NCBP3: variants seen among roughly 807,000 people sequenced by gnomAD.
The protein encoded by NCBP3 is nuclear cap-binding protein subunit 3.
A neutral mutation model predicts 75.7 loss-of-function variants in NCBP3; 20 were observed. That is an observed-to-expected ratio of 0.26 (90% CI 0.19 to 0.38). The LOEUF is 0.38. NCBP3 is among the 10% of genes least tolerant of loss of function. The pLI is 1.00. For missense variants in NCBP3, 678 were observed against 796.9 expected, an observed-to-expected ratio of 0.85 and a Z score of 1.80; for synonymous variants, 293 against 290.5, an observed-to-expected ratio of 1.01 and a Z score of -0.09.
intron 7 of NCBP3, chr17:3,823,984 C>G (rs1165339289): frequency 3.3e-5 from 5 of 152,042 alleles, no homozygotes; most frequent in Non-Finnish European, 5.9e-5. Flanking sequence ...AAATAGTAAA[C>G]CTATATTCTT....
intron 7 of NCBP3, chr17:3,824,492 C>T (rs200038852): frequency 2.6e-5 from 4 of 156,146 alleles, no homozygotes; most frequent in African/African-American, 7.3e-5. Flanking sequence ...TACATATATA[C>T]ACATACATAC....
At chr17:3,827,098 G>A (rs1445584275) in intron 4 of NCBP3, among the ~76,000 whole-genome samples, 1 of 144,542 alleles carries the variant, frequency 6.9e-6, no homozygotes, top group Non-Finnish European at 1.5e-5. Context: ...GAAGGGGGAA[G>A]GGAAAAGATG....
In NCBP3 at chr17:3,827,634, C is replaced by T. The variant is rs79890675; in HGVS notation, c.482-1419G>A. On this transcript the variant is annotated intron_variant, in intron 4 of 12. Transcript: ENST00000389005. ...GGGAAATGAAGCTCTGAGGCTCTCA[C>T]TTCTGTTACTAATGTGCCATGTGGC... Among the ~76,000 whole-genome samples the T allele has an allele frequency of 2.0e-5, 3 of 152,388 alleles. No homozygotes were observed. The East Asian group carries it at 5.8e-4, about 29-fold the overall frequency.
chr17:3,819,400 T>C (rs1041057735), intron 9 of NCBP3, among the ~76,000 whole-genome samples: 2 of 151,800 alleles, frequency 1.3e-5, no homozygotes, highest in African/African-American at 4.8e-5. Context: ...TACTAAAAAA[T>C]ACAACAAAAA....
rs376350073 is a variant in NCBP3 at position 3,832,545 on chromosome 17, C to G, written c.356-3177G>C. ...ACTCGGGAGGCTGAGGCAGGAGAAT[C>G]ACTTGAACCCGGGAGGCGGAGGTTG... On this transcript the variant is annotated intron_variant, in intron 3 of 12. Transcript: ENST00000389005. 3.9e-3 allele frequency among the ~76,000 whole-genome samples: 254 copies of G among 65,362 alleles called. 57 individuals are homozygous for G. The highest frequency in any genetic ancestry group is 0.024 in the Middle Eastern group (2 of 84). The allele number at this position is 65,362 out of a possible 152,430, so 42.9% of individuals were successfully genotyped here.
rs1416620746 is a variant in NCBP3, at chr17:3,807,130, G to A, written c.*5914C>T. On this transcript the variant is annotated 3_prime_UTR_variant, in exon 13 of 13. Transcript: ENST00000389005. ...TAGGCAAAAGAGCCACTGGAGGAAT[G>A]AGCTCTGCTCTTTTCACCTGCTCTG... 6.6e-6 allele frequency: 1 copy of A among 152,242 alleles called. No homozygotes were observed. Among genetic ancestry groups the A allele is most frequent in the Non-Finnish European group, 1.5e-5 (1 of 68,046 alleles). 9.4% of individuals were successfully genotyped at this position (152,242 alleles called of 1,614,324 possible). A position where few individuals can be genotyped will look rare whatever the true frequency, so the allele number is the denominator to read the frequency against.
chr17:3,822,984 TCTACTG>T (rs2053697193), intron 7 of NCBP3: 1 of 152,194 alleles, frequency 6.6e-6, no homozygotes, highest in African/African-American at 2.4e-5. Context: ...TTGAAGGGGC[TCTACTG>T]GCCAAATCCA....
chr17:3,839,424 G>C (rs2010220), intron 3 of NCBP3, among the ~76,000 whole-genome samples: 3 of 151,914 alleles, frequency 2.0e-5, no homozygotes, highest in Admixed American at 6.6e-5. Context: ...CTCGGATCAC[G>C]GCAACCTCTG....
chr17:3,841,734 G>C (rs2054066676), intron 2 of NCBP3, among the ~76,000 whole-genome samples: 1 of 149,004 alleles, frequency 6.7e-6, no homozygotes, highest in Non-Finnish European at 1.5e-5. Context: ...TCGGGAGGCT[G>C]AGGCAGAGGG....
intron 9 of NCBP3, among the ~76,000 whole-genome samples, chr17:3,820,263 A>G (rs1031096876): frequency 9.2e-5 from 14 of 152,200 alleles, no homozygotes; most frequent in African/African-American, 3.1e-4. Flanking sequence ...GTGTATTATT[A>G]ACATGTAGAT....
rs771821971 is a variant in NCBP3 at position 3,846,166 on chromosome 17, C to G, written c.58G>C (p.Ala20Pro). 16 of 1,526,550 alleles carry G rather than the reference C, an allele frequency of 1.0e-5. No homozygotes were observed. The highest frequency in any genetic ancestry group is 1.4e-5 in the Non-Finnish European group (16 of 1,137,060). 94.6% of individuals were successfully genotyped at this position (1,526,550 alleles called of 1,614,324 possible). A position where few individuals can be genotyped will look rare whatever the true frequency, so the allele number is the denominator to read the frequency against. ...GCCTCAGGGGACGGGAGCCCCAGGG[C>G]CGGCCCCGCCGGGGCCTCCGCCTTC... Reference protein sequence around the residue: ...SVKAEAPAGPALGLPSPEAES... With the variant: ...SVKAEAPAGPPLGLPSPEAES... Residue 20 changes from alanine to proline, a missense_variant, in exon 1 of 13, where the codon GCC becomes CCC. This residue lies in a region of NCBP3 where 76 missense variants were observed against 53.8 expected (regional missense o/e 1.41). Transcript: ENST00000389005. The surrounding 1 kb of genome is among the most constrained non-coding windows in gnomAD (Gnocchi z 4.6).
chr17:3,821,520 T>A (rs562125760), intron 8 of NCBP3, among the ~76,000 whole-genome samples, 168 bp from the exon 9 acceptor site: 1 of 152,242 alleles, frequency 6.6e-6, no homozygotes, highest in Non-Finnish European at 1.5e-5. Context: ...CCTCTTGGGT[T>A]CAAGCAATTC....
intron 6 of NCBP3, among the ~76,000 whole-genome samples, chr17:3,825,372 A>G (rs942879279): frequency 3.9e-5 from 6 of 152,198 alleles, no homozygotes; most frequent in African/African-American, 9.7e-5. Context: ...TTTTGCTTGA[A>G]GCTATATCCC....
At chr17:3,822,081 G>T in intron 7 of NCBP3, 29 bp from the exon 8 acceptor site, 4 of 1,410,850 alleles carry the variant, frequency 2.8e-6, no homozygotes, top group East Asian at 2.3e-5. Flanking sequence ...AGTTACCTAG[G>T]ATTTCCTGTG....
chr17:3,839,251 C>A (rs1450611480), intron 3 of NCBP3, among the ~76,000 whole-genome samples: 2 of 152,148 alleles, frequency 1.3e-5, no homozygotes, highest in Non-Finnish European at 2.9e-5. Context: ...ACTGTAAGCG[C>A]AGGCTTAAAA....
At chr17:3,821,216 A>G (rs2053656405) in intron 9 of NCBP3, 33 bp downstream of exon 9, 1 of 1,467,466 alleles carries the variant, frequency 6.8e-7, no homozygotes, top group South Asian at 1.1e-5. Context: ...GGAGCCAAAC[A>G]TGTGTCTACC....
intron 3 of NCBP3, among the ~76,000 whole-genome samples, chr17:3,839,355 T>C (rs540307958): frequency 6.7e-6 from 1 of 148,800 alleles, no homozygotes. Flanking sequence ...AGATTCAGAA[T>C]TTTTTTTTTT....
At chr17:3,826,017 C>CTCTG (rs1454429530) in intron 5 of NCBP3, 70 bp downstream of exon 5, 1 of 1,509,342 alleles carries the variant, frequency 6.6e-7, no homozygotes, top group Non-Finnish European at 8.9e-7. Flanking sequence ...CTATATAGAG[C>CTCTG]TCTGCTCAGA....
At chr17:3,845,787 T>C (rs1445394379) in intron 1 of NCBP3, among the ~76,000 whole-genome samples, 1 of 147,676 alleles carries the variant, frequency 6.8e-6, no homozygotes, top group Non-Finnish European at 1.5e-5. Context: ...CGGAGGGGGG[T>C]CCTCAACTCC....
Sources: gnomAD v4.1 joint callset for allele counts (sites outside exome capture counted in the v4.1 genomes callset) on GRCh38, gnomAD v4.1.1 for gene constraint, gnomAD v4.1.1 regional missense constraint, Gnocchi (gnomAD v3.1) non-coding constraint, MANE v1.5 for transcripts, NCBI Gene and HGNC (gene_info 2026-07-23, HGNC 2026-07-21) for gene names.